SYMPK: variants seen among roughly 807,000 people sequenced by gnomAD.
The protein encoded by SYMPK is symplekin scaffold protein.
In SYMPK, 49 loss-of-function variants were observed where a neutral mutation model predicts 136.4. The observed-to-expected ratio is 0.36, with a 90% CI of 0.29 to 0.46. The LOEUF is 0.46. Ranked by LOEUF, SYMPK falls within the 20% of genes least tolerant of loss-of-function variation. The pLI, the probability that SYMPK is intolerant of heterozygous loss-of-function variation, is 1.00. For synonymous variants in SYMPK, 766 were observed against 713.0 expected, an observed-to-expected ratio of 1.07 and a Z score of -1.19; for missense variants, 1,365 against 1,690.0, an observed-to-expected ratio of 0.81 and a Z score of 3.37.
chr19:45,829,326 G>A (rs531221055), intron 13 of SYMPK, 121 bp from the exon 14 acceptor site: 11 of 880,548 alleles, frequency 1.2e-5, no homozygotes, highest in East Asian at 2.7e-5. Context: ...GGAGTGAAGC[G>A]AGGAAGGCCA....
chr19:45,841,740 A>G (rs1422944944), intron 9 of SYMPK, among the ~76,000 whole-genome samples: 1 of 152,222 alleles, frequency 6.6e-6, no homozygotes, highest in East Asian at 1.9e-4. Flanking sequence ...TTACTTCAGA[A>G]AGAAAATTAT....
chr19:45,831,599 G>A lies in SYMPK; in HGVS notation c.1394-11C>T, dbSNP rs1395232736. ...TGGTCTGCTCTACACCTGAGGGGGAGGCAGCAAACAGACACCCAGTGCGTC... is the reference window on the plus strand; with the variant it reads ...TGGTCTGCTCTACACCTGAGGGGGAAGCAGCAAACAGACACCCAGTGCGTC... On this transcript the variant is annotated splice_polypyrimidine_tract_variant and intron_variant, in intron 11 of 26. Transcript: ENST00000245934. The A allele has an allele frequency of 1.5e-5, 24 of 1,572,476 alleles. No homozygotes were observed. Among genetic ancestry groups the A allele is most frequent in the Non-Finnish European group, 2.1e-5 (24 of 1,158,230 alleles).
chr19:45,825,850 C>T (rs139541884), intron 17 of SYMPK, among the ~76,000 whole-genome samples: 6 of 152,338 alleles, frequency 3.9e-5, no homozygotes, highest in Admixed American at 3.9e-4. Flanking sequence ...CTTCCTGGCA[C>T]CTGGGCCAGG....
Position 45,821,736 on chromosome 19 carries a change from C to T in SYMPK, c.2792-251G>A, listed in dbSNP as rs916343350. On this transcript the variant is annotated intron_variant, in intron 21 of 26. Transcript: ENST00000245934. This position sits in a 1 kb window ranked among gnomAD's most constrained non-coding sequence, Gnocchi z 4.4. ...CTCCCACCCTGGGTAGCGTGTGGCA[C>T]GGCTGGGTCTCTCTGCCCCTGGGCT... Among the ~76,000 whole-genome samples, 2 of 152,210 alleles carry T rather than the reference C, an allele frequency of 1.3e-5. No individual in the cohort carries two copies. The highest frequency in any genetic ancestry group is 4.8e-5 in the African/African-American group (2 of 41,458).
intron 1 of SYMPK, among the ~76,000 whole-genome samples, chr19:45,859,037 T>G (rs1250353241): frequency 6.6e-6 from 1 of 151,936 alleles, no homozygotes; most frequent in Non-Finnish European, 1.5e-5. Context: ...CCTCCCAAAG[T>G]GCTTGGGATC....
At chr19:45,841,140 C>T (rs1402263409) in intron 9 of SYMPK, among the ~76,000 whole-genome samples, 4 of 151,918 alleles carry the variant, frequency 2.6e-5, no homozygotes, top group East Asian at 1.9e-4. Context: ...TGCACCACCA[C>T]GCCTGGCTAA....
At chr19:45,861,727 A>G (rs1971971931) in intron 1 of SYMPK, among the ~76,000 whole-genome samples, 1 of 143,766 alleles carries the variant, frequency 7.0e-6, no homozygotes, top group African/African-American at 2.6e-5. Flanking sequence ...ACAGAGTGAG[A>G]CTCTGTCTCA....
chr19:45,825,423 G>T, intron 17 of SYMPK, 92 bp from the exon 18 acceptor site: 1 of 1,463,308 alleles, frequency 6.8e-7, no homozygotes, highest in Non-Finnish European at 9.1e-7. Flanking sequence ...CAGTGGAGCC[G>T]GGGAGGGCAG....
At chr19:45,826,435 C>A in intron 16 of SYMPK, 62 bp from the exon 17 acceptor site, 1 of 1,567,596 alleles carries the variant, frequency 6.4e-7, no homozygotes, top group Non-Finnish European at 8.8e-7. Context: ...ACAGCTATTC[C>A]TGCGAGCATG....
At chr19:45,823,258 CT>C in intron 20 of SYMPK, 113 bp downstream of exon 20, 1 of 1,055,600 alleles carries the variant, frequency 9.5e-7, no homozygotes, top group South Asian at 1.3e-5. Flanking sequence ...AAGGTGCCTT[CT>C]GCCCTCTGCT....
chr19:45,829,985 C>T (rs771558054), intron 13 of SYMPK, 69 bp downstream of exon 13: 25 of 1,485,612 alleles, frequency 1.7e-5, no homozygotes, highest in African/African-American at 2.8e-5. Context: ...CCAGACTCTT[C>T]GCTGGATGTG....
chr19:45,815,685 C>A lies in SYMPK; in HGVS notation c.3700G>T (p.Gly1234Cys). The A allele has an allele frequency of 6.2e-7, 1 of 1,609,786 alleles. No homozygotes were observed. Among genetic ancestry groups the A allele is most frequent in the East Asian group, 2.2e-5 (1 of 44,758 alleles). Residue 1234 changes from glycine to cysteine, a missense_variant, in exon 27 of 27, where the codon GGC becomes TGC. Transcript: ENST00000245934. ...CGCTCCTCCTTCAAGGTCAGCCCGC[C>A]CGCTGCCGTCTCCTGGTGACCGGGG... ...EGPLPKETAA[G>C]GLTLKEERSP...
At chr19:45,827,288 T>C (rs1432878457) in intron 16 of SYMPK, among the ~76,000 whole-genome samples, 5 of 152,238 alleles carry the variant, frequency 3.3e-5, no homozygotes, top group Non-Finnish European at 7.3e-5. Context: ...GTGTACACAC[T>C]ACAGGCAGAC....
intron 3 of SYMPK, 89 bp downstream of exon 3, chr19:45,854,086 G>A: frequency 8.1e-7 from 1 of 1,230,442 alleles, no homozygotes; most frequent in Non-Finnish European, 1.2e-6. Context: ...GTGTAAATGT[G>A]GACACTGGTG....
rs765170255 is a variant in SYMPK, at chr19:45,816,564, G to C, written c.3272C>G (p.Pro1091Arg). The C allele has an allele frequency of 6.2e-7, 1 of 1,613,748 alleles. No homozygotes were observed. The highest frequency in any genetic ancestry group is 1.1e-5 in the South Asian group (1 of 91,072). ...SFTPHQQAHI[P>R]NSIMTILEAS... ...CTCCAAGATGGTCATGATGGAGTTA[G>C]GGATGTGAGCTTGCTGGGTGGAGAG... Residue 1091 changes from proline (P) to arginine (R), a missense_variant, in exon 25 of 27, where the codon CCT (proline) becomes CGT (arginine). By Grantham distance (103) the Pro-to-Arg change is moderately radical. Coordinates refer to ENST00000245934, the MANE Select transcript of SYMPK (RefSeq NM_004819.3).
chr19:45,851,827 T>C (rs1971703037), intron 5 of SYMPK, among the ~76,000 whole-genome samples: 1 of 152,082 alleles, frequency 6.6e-6, no homozygotes, highest in African/African-American at 2.4e-5. Flanking sequence ...TGAGCCGAGA[T>C]TGCGCCACTG....
intron 20 of SYMPK, 94 bp from the exon 21 acceptor site, chr19:45,822,940 T>C: frequency 9.4e-7 from 1 of 1,068,602 alleles, no homozygotes; most frequent in Non-Finnish European, 1.4e-6. Context: ...CCTGGGGAGC[T>C]GAGGGCAAGC....
chr19:45,860,129 C>T (rs1404061721), intron 1 of SYMPK, among the ~76,000 whole-genome samples: 1 of 129,968 alleles, frequency 7.7e-6, no homozygotes, highest in East Asian at 2.2e-4. Context: ...AACCTGTTTC[C>T]AAAAAAAAAA....
Position 45,852,605 on chromosome 19 carries a change from A to G in SYMPK, c.172-70T>C. 5 of 1,575,840 alleles carry G rather than the reference A, an allele frequency of 3.2e-6. No individual in the cohort carries two copies. The Admixed American group carries it at 6.7e-5, about 21-fold the overall frequency. On this transcript the variant is annotated intron_variant, in intron 3 of 26. Transcript: ENST00000245934. ...CGAGGGGCCAATCAATGCAGACAGG[A>G]GAGTAGAGGGGAAGACAGCAGAGGG...
Sources: gnomAD v4.1 joint callset for allele counts (sites outside exome capture counted in the v4.1 genomes callset) on GRCh38, gnomAD v4.1.1 for gene constraint, Gnocchi (gnomAD v3.1) non-coding constraint, MANE v1.5 for transcripts, NCBI Gene and HGNC (gene_info 2026-07-23, HGNC 2026-07-21) for gene names.